PRDM1: variants seen among roughly 807,000 people sequenced by gnomAD.
PRDM1 encodes PR/SET domain 1.
PRDM1 carries 13 observed loss-of-function variants against 62.8 expected under a neutral mutation model. That is an observed-to-expected ratio of 0.21 (90% CI 0.13 to 0.33). The LOEUF is 0.33. PRDM1 is among the 10% of genes least tolerant of loss of function. The probability of loss-of-function intolerance (pLI) is 1.00; values close to 1 mark genes in which losing one functional copy is unlikely to be tolerated. For missense variants in PRDM1, 895 were observed against 1,058.8 expected (o/e 0.85, Z 2.15); for synonymous variants, 396 against 417.6 (o/e 0.95, Z 0.63).
chr6:106,095,583 AGTAATTGTTTCCT>A lies in PRDM1; in HGVS notation c.292-29_292-17del. On this transcript the variant is annotated intron_variant, in intron 2 of 6. Coordinates refer to ENST00000369096, the MANE Select transcript of PRDM1 (RefSeq NM_001198.4). ...AGATTGGTTAACATTTTATAGTCAAAGTAATTGTTTCCTGTGTTTTTTCCTGTTTAGGTTATTG... is the reference window on the plus strand; with the variant it reads ...AGATTGGTTAACATTTTATAGTCAAAGTGTTTTTTCCTGTTTAGGTTATTG... 6.2e-7 allele frequency: 1 copy of A among 1,607,596 alleles called. No homozygotes were observed. Among genetic ancestry groups the A allele is most frequent in the African/African-American group, 1.3e-5 (1 of 74,696 alleles).
intron 1 of PRDM1, among the ~76,000 whole-genome samples, chr6:106,031,116 G>A (rs1252448913): frequency 6.6e-6 from 1 of 151,452 alleles, no homozygotes; most frequent in African/African-American, 2.4e-5. Flanking sequence ...CCAAGAGTTT[G>A]GCATTCTGGT....
At chr6:106,083,649 A>G (rs113664052), upstream of PRDM1, among the ~76,000 whole-genome samples, 49 of 152,356 alleles carry the variant, frequency 3.2e-4, no homozygotes, top group African/African-American at 1.2e-3. Context: ...GAACAGAACT[A>G]TTTGGCTCAT....
chr6:106,084,783 C>G (rs1340064), upstream of PRDM1, among the ~76,000 whole-genome samples: 82,154 of 151,928 alleles, frequency 0.54, 23,431 homozygotes, highest in East Asian at 0.76. Context: ...CAGTTTTCCA[C>G]CCCCAGCAGA....
At chr6:106,004,658 A>AT (rs939930662) in intron 1 of PRDM1, among the ~76,000 whole-genome samples, 4 of 152,032 alleles carry the variant, frequency 2.6e-5, no homozygotes, top group Admixed American at 1.3e-4. Context: ...ATATGGATTA[A>AT]TTTTTTTTGA....
intron 2 of PRDM1, among the ~76,000 whole-genome samples, chr6:106,092,940 A>AT (rs1427277940): frequency 1.3e-5 from 2 of 152,216 alleles, no homozygotes; most frequent in African/African-American, 2.4e-5. Context: ...TGTGCCCTAT[A>AT]GCACTGTATG....
At chr6:106,089,246 T>C (rs1409412171) in intron 2 of PRDM1, among the ~76,000 whole-genome samples, 4 of 152,256 alleles carry the variant, frequency 2.6e-5, no homozygotes, top group African/African-American at 9.6e-5. Flanking sequence ...TGGCTTACTG[T>C]AGTTGCACTT....
Position 106,106,838 on chromosome 6 carries a change from C to G in PRDM1, c.1903-73C>G. The G allele has an allele frequency of 1.4e-6, 2 of 1,471,650 alleles. No homozygotes were observed. Among genetic ancestry groups the G allele is most frequent in the Non-Finnish European group, 1.8e-6 (2 of 1,084,010 alleles). 91.2% of individuals were successfully genotyped at this position (1,471,650 alleles called of 1,614,324 possible). Reference sequence around the variant, plus strand: ...TGGGCGTTGGCCGGTAAGCCTGCCCCTCCCGTTGGCAACTCTTAATCTTCT... The same window carrying G: ...TGGGCGTTGGCCGGTAAGCCTGCCCGTCCCGTTGGCAACTCTTAATCTTCT... On this transcript the variant is annotated intron_variant, in intron 6 of 6. Coordinates refer to ENST00000369096, the MANE Select transcript of PRDM1 (RefSeq NM_001198.4). This position sits in a 1 kb window ranked among gnomAD's most constrained non-coding sequence, Gnocchi z 4.4.
At chr6:106,046,468 T>C (rs527761738), upstream of PRDM1, 1 of 152,496 alleles carries the variant, frequency 6.6e-6, no homozygotes, top group South Asian at 2.1e-4. Context: ...TGGGCTGTGG[T>C]GGAAGGCAGC....
At chr6:106,014,047 G>C (rs1772588128) in intron 1 of PRDM1, among the ~76,000 whole-genome samples, 1 of 147,466 alleles carries the variant, frequency 6.8e-6, no homozygotes, top group Non-Finnish European at 1.5e-5. Flanking sequence ...CTAACTCTAT[G>C]AGGACAAGGA....
chr6:106,034,343 G>T (rs1562149307), intron 1 of PRDM1, among the ~76,000 whole-genome samples: 1 of 151,810 alleles, frequency 6.6e-6, no homozygotes, highest in South Asian at 2.1e-4. Context: ...TATATAGTTA[G>T]GTTGTTGATT....
chr6:106,086,674 TATTA>T (rs1773817721), intron 1 of PRDM1, 79 bp downstream of exon 1: 4 of 1,343,438 alleles, frequency 3.0e-6, no homozygotes, highest in South Asian at 2.8e-5. Context: ...TTGTTATTAT[TATTA>T]ATTTTTTTTG....
chr6:106,077,538 C>T (rs983646035), intron 1 of PRDM1, among the ~76,000 whole-genome samples: 5 of 152,244 alleles, frequency 3.3e-5, no homozygotes, highest in African/African-American at 1.2e-4. Context: ...AATACATGTA[C>T]TTCAATAAAC....
At chr6:106,054,433 G>C (rs1163261630) in intron 1 of PRDM1, among the ~76,000 whole-genome samples, 1 of 151,592 alleles carries the variant, frequency 6.6e-6, no homozygotes, top group East Asian at 1.9e-4. Flanking sequence ...TTCTGAATTG[G>C]GCAGGGGCAG....
At chr6:106,071,306 A>T (rs539872863) in intron 1 of PRDM1, among the ~76,000 whole-genome samples, 1 of 152,182 alleles carries the variant, frequency 6.6e-6, no homozygotes, top group African/African-American at 2.4e-5. Context: ...CCACCCATTC[A>T]TGTTCTAATT....
Position 106,106,226 on chromosome 6 carries a change from T to C in PRDM1, c.1774-145T>C. ...TTTGTGCTTTTAAGAAAAACACCATTCTGAAAACATGAAGATTTCTTCTTT... is the reference window on the plus strand; with the variant it reads ...TTTGTGCTTTTAAGAAAAACACCATCCTGAAAACATGAAGATTTCTTCTTT... On this transcript the variant is annotated intron_variant, in intron 5 of 6. Coordinates refer to ENST00000369096, the MANE Select transcript of PRDM1 (RefSeq NM_001198.4). This position sits in a 1 kb window ranked among gnomAD's most constrained non-coding sequence, Gnocchi z 4.4. 1 of 1,334,450 alleles carries C rather than the reference T, an allele frequency of 7.5e-7. No individual in the cohort carries two copies. Among genetic ancestry groups the C allele is most frequent in the Non-Finnish European group, 1.0e-6 (1 of 981,092 alleles). The allele number at this position is 1,334,450 out of a possible 1,614,324, so 82.7% of individuals were successfully genotyped here. A position where few individuals can be genotyped will look rare whatever the true frequency, so the allele number is the denominator to read the frequency against.
chr6:106,092,000 G>C (rs936282758), intron 2 of PRDM1, among the ~76,000 whole-genome samples: 1 of 151,990 alleles, frequency 6.6e-6, no homozygotes, highest in Non-Finnish European at 1.5e-5. Flanking sequence ...AAAACAGATA[G>C]CTAGTAATTT....
rs1360082793 is a variant in PRDM1 at position 106,109,444 on chromosome 6, G to C, written c.*1958G>C. On this transcript the variant is annotated 3_prime_UTR_variant, in exon 7 of 7. Transcript: ENST00000369096. ...ATTTTATAATTATATTTGACATTTT[G>C]TTCACATCAACTAATGTTCACCTGT... 1.7e-5 allele frequency: 4 copies of C among 233,386 alleles called. No homozygotes were observed. Among genetic ancestry groups the C allele is most frequent in the Middle Eastern group, 1.3e-3 (1 of 782 alleles). The allele number at this position is 233,386 out of a possible 1,614,324, so 14.5% of individuals were successfully genotyped here.
chr6:106,001,079 A>G (rs1772418940), intron 1 of PRDM1, among the ~76,000 whole-genome samples: 1 of 152,180 alleles, frequency 6.6e-6, no homozygotes, highest in South Asian at 2.1e-4. Context: ...ATACTTTTCC[A>G]CTTCAGCTGG....
chr6:106,100,498 A>G (rs141631019), intron 4 of PRDM1: 3 of 152,356 alleles, frequency 2.0e-5, no homozygotes, highest in East Asian at 3.9e-4. Context: ...CCAGTTATTG[A>G]TAAGTATATC....
Sources: gnomAD v4.1 joint callset for allele counts (sites outside exome capture counted in the v4.1 genomes callset) on GRCh38, gnomAD v4.1.1 for gene constraint, Gnocchi (gnomAD v3.1) non-coding constraint, MANE v1.5 for transcripts, NCBI Gene and HGNC (gene_info 2026-07-23, HGNC 2026-07-21) for gene names.